The following MBOAT2 variants were observed in gnomAD, a reference collection of about 807,000 sequenced individuals.
MBOAT2 encodes membrane-bound glycerophospholipid O-acyltransferase 2.
Under a neutral mutation model 63.4 loss-of-function variants are expected in MBOAT2, and 28 were observed. That is an observed-to-expected ratio of 0.44 (90% CI 0.33 to 0.61). The LOEUF (loss-of-function observed/expected upper bound fraction) is 0.61, where lower values mean the gene tolerates loss of function less well. Among genes scored for constraint, MBOAT2 ranks in the 20% least tolerant of loss-of-function variants. MBOAT2 has a pLI of 0.03. For missense variants in MBOAT2, 470 were observed against 605.8 expected (o/e 0.78, Z 2.35); for synonymous variants, 211 against 215.6 (o/e 0.98, Z 0.19).
At chr2:8,959,937 C>T (rs1669495309) in intron 1 of MBOAT2, among the ~76,000 whole-genome samples, 1 of 152,182 alleles carries the variant, frequency 6.6e-6, no homozygotes, top group African/African-American at 2.4e-5. Flanking sequence ...ACACTATCTA[C>T]ATGTAGCTAT....
In MBOAT2 at chr2:8,964,909, T is replaced by C. The variant is rs564910068; in HGVS notation, c.76-6267A>G. On this transcript the variant is annotated intron_variant, in intron 1 of 12. Transcript: ENST00000305997. ...CCTTTATATCCTTTGCCCATTATTC[T>C]ATCAGCTTGTCTTTTTCTCATTGAC... Among the ~76,000 whole-genome samples, 26 of 152,364 alleles carry C rather than the reference T, an allele frequency of 1.7e-4. No homozygotes were observed. The South Asian group carries it at 5.4e-3, about 32-fold the overall frequency.
intron 3 of MBOAT2, among the ~76,000 whole-genome samples, chr2:8,939,588 G>A (rs1178290633): frequency 1.3e-5 from 2 of 152,174 alleles, no homozygotes; most frequent in African/African-American, 4.8e-5. Flanking sequence ...GACACAGTCA[G>A]GCCAAAGACG....
intron 2 of MBOAT2, among the ~76,000 whole-genome samples, chr2:8,955,659 T>G (rs1358644215): frequency 6.6e-6 from 1 of 152,236 alleles, no homozygotes; most frequent in African/African-American, 2.4e-5. Flanking sequence ...TTACATAAAC[T>G]TAGTTGATAA....
intron 3 of MBOAT2, among the ~76,000 whole-genome samples, chr2:8,920,548 A>G (rs2148608130): frequency 6.7e-6 from 1 of 148,800 alleles, no homozygotes; most frequent in South Asian, 2.1e-4. Flanking sequence ...GGAAAAGCTT[A>G]TCAATTTCTA....
chr2:8,863,910 A>G (rs1239879307), intron 10 of MBOAT2, among the ~76,000 whole-genome samples: 4 of 152,220 alleles, frequency 2.6e-5, no homozygotes, highest in Admixed American at 2.0e-4. Context: ...GACCTCTGAC[A>G]TTGGCAGAGG....
At chr2:8,957,847 A>G (rs951633031) in intron 2 of MBOAT2, among the ~76,000 whole-genome samples, 16 of 152,180 alleles carry the variant, frequency 1.1e-4, no homozygotes, top group African/African-American at 3.9e-4. Flanking sequence ...TGATTTCTTC[A>G]GCATGCACAG....
At chr2:8,901,335 T>C (rs1036170771) in intron 4 of MBOAT2, among the ~76,000 whole-genome samples, 2 of 152,102 alleles carry the variant, frequency 1.3e-5, no homozygotes, top group East Asian at 1.9e-4. Context: ...GAAGGTCAGA[T>C]TTAGTGGCCC....
rs150465025 is a variant in MBOAT2 at position 8,915,228 on chromosome 2, C to T, written c.300-6512G>A. On this transcript the variant is annotated intron_variant, in intron 3 of 12. Transcript: ENST00000305997. ...TGCTGGAATTACAAGCATGAGCCACCGTGCCCAGCCGGAAAGTTTTAAATT... is the reference window on the plus strand; with the variant it reads ...TGCTGGAATTACAAGCATGAGCCACTGTGCCCAGCCGGAAAGTTTTAAATT... Among the ~76,000 whole-genome samples, 207 of 152,224 alleles carry T rather than the reference C, an allele frequency of 1.4e-3. 1 individual carries two copies. Among genetic ancestry groups the T allele is most frequent in the African/African-American group, 4.7e-3 (195 of 41,560 alleles).
intron 2 of MBOAT2, among the ~76,000 whole-genome samples, chr2:8,948,265 A>G (rs891622249): frequency 3.9e-5 from 6 of 152,262 alleles, no homozygotes; most frequent in African/African-American, 9.6e-5. Context: ...ATGAGCAAAG[A>G]AAGTGATTCC....
At chr2:8,937,911 C>G (rs1211087323) in intron 3 of MBOAT2, among the ~76,000 whole-genome samples, 1 of 152,148 alleles carries the variant, frequency 6.6e-6, no homozygotes, top group Non-Finnish European at 1.5e-5. Context: ...CAGGGAGAGA[C>G]AGACCAAGAC....
chr2:8,943,757 ACTCTT>A (rs1012941419), intron 2 of MBOAT2, among the ~76,000 whole-genome samples: 1 of 152,202 alleles, frequency 6.6e-6, no homozygotes, highest in Non-Finnish European at 1.5e-5. Flanking sequence ...AAAAGCGTAT[ACTCTT>A]CTCAATACAT....
chr2:8,929,768 AT>A (rs1356530919), intron 3 of MBOAT2, among the ~76,000 whole-genome samples: 1 of 152,144 alleles, frequency 6.6e-6, no homozygotes, highest in Admixed American at 6.5e-5. Flanking sequence ...TCAAATGGTT[AT>A]TTGAGAGGAG....
intron 8 of MBOAT2, among the ~76,000 whole-genome samples, chr2:8,872,506 T>C (rs1352084845): frequency 6.6e-6 from 1 of 152,170 alleles, no homozygotes; most frequent in Non-Finnish European, 1.5e-5. Context: ...GGTCTTGAAC[T>C]CCTGGCCTCA....
chr2:8,915,237 C>A (rs879364657), intron 3 of MBOAT2, among the ~76,000 whole-genome samples: 1 of 152,098 alleles, frequency 6.6e-6, no homozygotes, highest in Non-Finnish European at 1.5e-5. Flanking sequence ...CCGTGCCCAG[C>A]CGGAAAGTTT....
Position 8,877,117 on chromosome 2 carries a change from G to A in MBOAT2, c.603C>T (p.Phe201=). The change falls in exon 7 of 13, where the codon TTC becomes TTT. Residue 201 remains phenylalanine, a synonymous_variant. Transcript: ENST00000305997. ...PLCSYKDYIT[F]IEGRSYHITQ... ...TGATATGGTATGATCTGCCTTCAAT[G>A]AAAGTAATGTAGTCTTTGTAAGAGC... 1 of 1,614,130 alleles carries A rather than the reference G, an allele frequency of 6.2e-7. No individual in the cohort carries two copies. The highest frequency in any genetic ancestry group is 8.5e-7 in the Non-Finnish European group (1 of 1,180,014).
At chr2:8,999,813 A>G (rs1350886295) in intron 1 of MBOAT2, among the ~76,000 whole-genome samples, 2 of 152,268 alleles carry the variant, frequency 1.3e-5, no homozygotes, top group Non-Finnish European at 2.9e-5. Context: ...ATCTTAAAGC[A>G]TCATGTAACT....
At chr2:8,967,292 TACTG>T (rs1670063228) in intron 1 of MBOAT2, among the ~76,000 whole-genome samples, 1 of 152,244 alleles carries the variant, frequency 6.6e-6, no homozygotes, top group African/African-American at 2.4e-5. Context: ...GTTACACAGA[TACTG>T]ACTTTTAGTT....
intron 4 of MBOAT2, among the ~76,000 whole-genome samples, chr2:8,905,164 C>T (rs1230502419): frequency 6.6e-6 from 1 of 152,116 alleles, no homozygotes; most frequent in Non-Finnish European, 1.5e-5. Context: ...AGTCACTATC[C>T]AATCCACCTT....
chr2:8,891,992 C>T (rs1664037686), intron 4 of MBOAT2, among the ~76,000 whole-genome samples: 1 of 152,202 alleles, frequency 6.6e-6, no homozygotes, highest in South Asian at 2.1e-4. Context: ...AAACTCCAGA[C>T]TTTCTGAAAT....
Sources: allele counts gnomAD v4.1 joint callset (sites outside exome capture counted in the v4.1 genomes callset), GRCh38; gene constraint gnomAD v4.1.1; transcripts MANE v1.5; gene names NCBI Gene and HGNC (gene_info 2026-07-23, HGNC 2026-07-21).